The following TMEM68 variants were observed in gnomAD, a reference collection of about 807,000 sequenced individuals.
TMEM68 encodes the protein DGAT1/2-independent enzyme synthesizing storage lipids.
TMEM68 carries 25 observed loss-of-function variants against 36.9 expected under a neutral mutation model. The ratio of observed to expected loss-of-function variants is 0.68; its 90% CI spans 0.49 to 0.95. The LOEUF is 0.95. Ranked by LOEUF, TMEM68 falls within the 40% of genes least tolerant of loss-of-function variation. The pLI, the probability that TMEM68 is intolerant of heterozygous loss-of-function variation, is 0.00. For missense variants in TMEM68, 333 were observed against 392.0 expected (o/e 0.85, Z 1.27); for synonymous variants, 131 against 124.4 (o/e 1.05, Z -0.35).
intron 7 of TMEM68, among the ~76,000 whole-genome samples, chr8:55,742,462 A>G (rs1400760390): frequency 6.6e-6 from 1 of 152,226 alleles, no homozygotes; most frequent in Non-Finnish European, 1.5e-5. Context: ...TGTTTTTACC[A>G]TAATTTATAT....
Position 55,771,305 on chromosome 8 carries a change from A to G in TMEM68, c.-115+1964T>C, listed in dbSNP as rs566060637. On this transcript the variant is annotated intron_variant, in intron 1 of 7. Coordinates refer to ENST00000434581, the MANE Select transcript of TMEM68 (RefSeq NM_001286657.2). ...TTGGCTTTCAATAAAACCTTAAGAA[A>G]GTGTATCTATTTTAGGCTGGGCTCA... 2.6e-5 allele frequency among the ~76,000 whole-genome samples: 4 copies of G among 152,256 alleles called. No individual in the cohort carries two copies. The South Asian group carries it at 8.3e-4, about 32-fold the overall frequency.
At position 55,739,131 on chromosome 8, in the gene TMEM68, C is replaced by T. The variant is rs1056575019; in HGVS notation, c.*1001G>A. The T allele has an allele frequency of 1.3e-5, 2 of 152,614 alleles. No individual in the cohort carries two copies. The highest frequency in any genetic ancestry group is 1.9e-4 in the East Asian group (1 of 5,192). 9.5% of individuals were successfully genotyped at this position (152,614 alleles called of 1,614,324 possible). ...ATCTCTAAATAAAAACAAAACAAAA[C>T]ATAAATAAATTCATCATTCAAGTAT... On this transcript the variant is annotated 3_prime_UTR_variant, in exon 8 of 8. Transcript: ENST00000434581.
intron 4 of TMEM68, among the ~76,000 whole-genome samples, chr8:55,753,836 A>G (rs1396283711): frequency 6.6e-6 from 1 of 152,240 alleles, no homozygotes; most frequent in African/African-American, 2.4e-5. Flanking sequence ...TCACGCCTGC[A>G]ATCTCAGTAC....
intron 1 of TMEM68, among the ~76,000 whole-genome samples, chr8:55,767,449 T>C (rs536352446): frequency 6.6e-6 from 1 of 152,256 alleles, no homozygotes; most frequent in Non-Finnish European, 1.5e-5. Flanking sequence ...ATGTTAAGTT[T>C]AAGATGTCTA....
chr8:55,771,904 C>T (rs1811184124), intron 1 of TMEM68, among the ~76,000 whole-genome samples: 1 of 152,118 alleles, frequency 6.6e-6, no homozygotes, highest in Admixed American at 6.5e-5. Flanking sequence ...ATCCTTTTAG[C>T]TTTAATACTT....
chr8:55,754,747 T>A lies in TMEM68; in HGVS notation c.493+1497A>T, dbSNP rs868743928. Among the ~76,000 whole-genome samples the A allele has an allele frequency of 8.0e-5, 10 of 124,488 alleles. No homozygotes were observed. The South Asian group carries it at 2.0e-3, about 25-fold the overall frequency. The allele number at this position is 124,488 out of a possible 152,430, so 81.7% of individuals were successfully genotyped here. On this transcript the variant is annotated intron_variant, in intron 4 of 7. Coordinates refer to ENST00000434581, the MANE Select transcript of TMEM68 (RefSeq NM_001286657.2). ...TATAAAATACATACTTATATATATA[T>A]TATATATAAAATACATACATTATAT...
chr8:55,743,777 C>T (rs1810180245), intron 6 of TMEM68, among the ~76,000 whole-genome samples, 157 bp from the exon 7 acceptor site: 2 of 152,066 alleles, frequency 1.3e-5, no homozygotes, highest in Non-Finnish European at 2.9e-5. Flanking sequence ...AGCTTTTCAT[C>T]AATTTTAACA....
chr8:55,751,391 C>T (rs142699667), intron 4 of TMEM68: 40 of 460,562 alleles, frequency 8.7e-5, no homozygotes, highest in African/African-American at 6.1e-4. Context: ...TTCTTCTCCC[C>T]ACTTTACAAA....
chr8:55,753,670 A>G (rs1364220956), intron 4 of TMEM68, among the ~76,000 whole-genome samples: 1 of 152,236 alleles, frequency 6.6e-6, no homozygotes, highest in Non-Finnish European at 1.5e-5. Context: ...GAACATACTA[A>G]CAACTCTCTT....
At chr8:55,767,013 T>C (rs1810985114) in intron 1 of TMEM68, among the ~76,000 whole-genome samples, 1 of 151,602 alleles carries the variant, frequency 6.6e-6, no homozygotes, top group Non-Finnish European at 1.5e-5. Context: ...ACCTAGCAAG[T>C]ACTTAAATAT....
intron 4 of TMEM68, among the ~76,000 whole-genome samples, chr8:55,755,630 CTG>C (rs1563433055): frequency 6.6e-6 from 1 of 150,442 alleles, no homozygotes; most frequent in Non-Finnish European, 1.5e-5. Flanking sequence ...TGCTATCAAA[CTG>C]AGAGTTATCA....
intron 1 of TMEM68, among the ~76,000 whole-genome samples, chr8:55,771,098 G>C (rs919538728): frequency 4.8e-4 from 73 of 150,664 alleles, no homozygotes; most frequent in African/African-American, 1.7e-3. Flanking sequence ...AAGTTGCGGT[G>C]AGCCAAGATC....
chr8:55,742,927 T>C lies in TMEM68; in HGVS notation c.888+554A>G, dbSNP rs113605950. Among the ~76,000 whole-genome samples the C allele has an allele frequency of 7.9e-5, 12 of 152,256 alleles. 2 individuals are homozygous for C. Among genetic ancestry groups the C allele is most frequent in the African/African-American group, 2.9e-4 (12 of 41,536 alleles). On this transcript the variant is annotated intron_variant, in intron 7 of 7. Coordinates refer to ENST00000434581, the MANE Select transcript of TMEM68 (RefSeq NM_001286657.2). ...TAACATTACTGACCATTCCCACTTT[T>C]TACTAAAACCTCACCTGCTGACTTC...
intron 4 of TMEM68, chr8:55,751,364 A>T (rs1404372811): frequency 7.8e-6 from 4 of 514,520 alleles, no homozygotes; most frequent in Non-Finnish European, 1.4e-5. Flanking sequence ...ACTCACAACA[A>T]TCTTGACAAA....
chr8:55,766,685 G>A (rs902966364), intron 1 of TMEM68, among the ~76,000 whole-genome samples: 2 of 151,894 alleles, frequency 1.3e-5, no homozygotes, highest in African/African-American at 4.8e-5. Context: ...CTCTATGCAC[G>A]CTTTTATCTA....
intron 5 of TMEM68, chr8:55,747,514 T>C: frequency 6.6e-6 from 1 of 152,196 alleles, no homozygotes. Flanking sequence ...CTTGTTTTTG[T>C]AGAGATGGGT....
intron 4 of TMEM68, chr8:55,751,578 GAATC>G: frequency 2.4e-6 from 1 of 423,270 alleles, no homozygotes; most frequent in South Asian, 1.7e-5. Context: ...AGGAGAATGT[GAATC>G]AAACTACGCT....
intron 1 of TMEM68, among the ~76,000 whole-genome samples, chr8:55,767,248 T>C (rs1810999434): frequency 6.6e-6 from 1 of 152,230 alleles, no homozygotes; most frequent in African/African-American, 2.4e-5. Flanking sequence ...CATTAACTAT[T>C]GCTATCATCA....
intron 6 of TMEM68, among the ~76,000 whole-genome samples, chr8:55,744,759 TTGTAAA>T (rs2129913921): frequency 6.6e-6 from 1 of 152,354 alleles, no homozygotes; most frequent in East Asian, 1.9e-4. Flanking sequence ...TTGGGATAGT[TTGTAAA>T]TGTATTCTAA....
Sources: allele counts gnomAD v4.1 joint callset (sites outside exome capture counted in the v4.1 genomes callset), GRCh38; gene constraint gnomAD v4.1.1; transcripts MANE v1.5; gene names NCBI Gene and HGNC (gene_info 2026-07-23, HGNC 2026-07-21).